The following RAB11FIP4 variants were observed in gnomAD, a reference collection of about 807,000 sequenced individuals.
The protein encoded by RAB11FIP4 is rab11 family-interacting protein 4.
RAB11FIP4 carries 23 observed loss-of-function variants against 74.3 expected under a neutral mutation model. That is an observed-to-expected ratio of 0.31 (90% CI 0.22 to 0.44). The LOEUF is 0.44. Among genes scored for constraint, RAB11FIP4 ranks in the 20% least tolerant of loss-of-function variants. The pLI, the probability that RAB11FIP4 is intolerant of heterozygous loss-of-function variation, is 1.00. For synonymous variants in RAB11FIP4, 360 were observed against 359.9 expected (o/e 1.00, Z 0.00); for missense variants, 630 against 863.9 (o/e 0.73, Z 3.39).
At chr17:31,530,111 C>T (rs530637632) in intron 13 of RAB11FIP4, among the ~76,000 whole-genome samples, 18 of 152,352 alleles carry the variant, frequency 1.2e-4, no homozygotes, top group African/African-American at 3.8e-4. Flanking sequence ...CCTGTGCACT[C>T]CCAGGATGCC....
chr17:31,480,793 C>CAAAA (rs36097331), intron 3 of RAB11FIP4, among the ~76,000 whole-genome samples: 127 of 73,472 alleles, frequency 1.7e-3, no homozygotes, highest in Non-Finnish European at 2.4e-3. Context: ...GACTCCGTCT[C>CAAAA]AAAAAAAAAA....
At chr17:31,487,377 TTGTC>T (rs1019481652) in intron 3 of RAB11FIP4, among the ~76,000 whole-genome samples, 1 of 152,182 alleles carries the variant, frequency 6.6e-6, no homozygotes, top group Non-Finnish European at 1.5e-5. Context: ...CTCGGCCACT[TTGTC>T]TGAGCCACTG....
intron 3 of RAB11FIP4, among the ~76,000 whole-genome samples, chr17:31,443,459 T>C (rs1369386516): frequency 6.6e-6 from 1 of 152,236 alleles, no homozygotes; most frequent in Non-Finnish European, 1.5e-5. Context: ...TATTTTTGTG[T>C]ATTTGATTTT....
chr17:31,520,345 T>TA (rs2072639207), intron 4 of RAB11FIP4, among the ~76,000 whole-genome samples: 1 of 152,126 alleles, frequency 6.6e-6, no homozygotes, highest in Non-Finnish European at 1.5e-5. Context: ...TACTCAGTCT[T>TA]ACAGTATCTA....
At chr17:31,427,920 G>A (rs1242479139) in intron 1 of RAB11FIP4, among the ~76,000 whole-genome samples, 1 of 152,156 alleles carries the variant, frequency 6.6e-6, no homozygotes, top group East Asian at 1.9e-4. Context: ...GGGGGGAGGG[G>A]GCAGCTGCAA....
At chr17:31,459,747 C>T (rs2071616942) in intron 3 of RAB11FIP4, among the ~76,000 whole-genome samples, 1 of 138,600 alleles carries the variant, frequency 7.2e-6, no homozygotes. Flanking sequence ...TCCAGCCCCT[C>T]CCCCCACCCA....
chr17:31,459,826 TGCCCCAGAG>T (rs1405637283), intron 3 of RAB11FIP4, among the ~76,000 whole-genome samples: 14 of 149,414 alleles, frequency 9.4e-5, no homozygotes, highest in Non-Finnish European at 1.8e-4. Context: ...CAGTGGGTTG[TGCCCCAGAG>T]GGGCTCCTCT....
intron 1 of RAB11FIP4, among the ~76,000 whole-genome samples, chr17:31,419,996 A>C (rs1297899951): frequency 6.6e-6 from 1 of 152,182 alleles, no homozygotes; most frequent in Non-Finnish European, 1.5e-5. Context: ...ATACTTAGTG[A>C]AATTATCTGG....
intron 3 of RAB11FIP4, among the ~76,000 whole-genome samples, chr17:31,446,101 C>T (rs575050721): frequency 6.6e-6 from 1 of 151,608 alleles, no homozygotes; most frequent in Admixed American, 6.6e-5. Context: ...CGAAGAATGC[C>T]CCTCAATTTA....
intron 3 of RAB11FIP4, among the ~76,000 whole-genome samples, chr17:31,464,529 G>A (rs2071665327): frequency 6.6e-6 from 1 of 151,964 alleles, no homozygotes. Context: ...TCTGCTCACT[G>A]CAACCTCCAC....
chr17:31,396,380 A>T (rs1157783004), intron 1 of RAB11FIP4, among the ~76,000 whole-genome samples: 1 of 152,056 alleles, frequency 6.6e-6, no homozygotes, highest in East Asian at 1.9e-4. Context: ...TAACCTCTTT[A>T]GGCCTCTATT....
chr17:31,419,782 T>A (rs1309907522), intron 1 of RAB11FIP4, among the ~76,000 whole-genome samples: 1 of 152,024 alleles, frequency 6.6e-6, no homozygotes, highest in Admixed American at 6.6e-5. Context: ...GATCTCCTGA[T>A]CTCATGATCC....
intron 3 of RAB11FIP4, among the ~76,000 whole-genome samples, chr17:31,487,047 C>T (rs1004716115): frequency 6.6e-6 from 1 of 152,162 alleles, no homozygotes; most frequent in African/African-American, 2.4e-5. Context: ...CCCACTGGTC[C>T]TGCCCGTACC....
chr17:31,507,539 A>C (rs2072374037), intron 3 of RAB11FIP4, among the ~76,000 whole-genome samples: 1 of 152,030 alleles, frequency 6.6e-6, no homozygotes, highest in Non-Finnish European at 1.5e-5. Context: ...TTTAAATTGA[A>C]TTATTTGTTT....
intron 3 of RAB11FIP4, among the ~76,000 whole-genome samples, chr17:31,501,940 G>T (rs571238666): frequency 1.4e-4 from 21 of 152,276 alleles, no homozygotes; most frequent in Non-Finnish European, 2.5e-4. Flanking sequence ...GTGAGCCCGG[G>T]CATAGTGGCT....
intron 3 of RAB11FIP4, among the ~76,000 whole-genome samples, chr17:31,449,458 T>A (rs1232003828): frequency 6.6e-6 from 1 of 152,156 alleles, no homozygotes; most frequent in Non-Finnish European, 1.5e-5. Flanking sequence ...TGGTCTCAAC[T>A]CCCTTTCTTG....
chr17:31,453,794 A>G (rs1237001902), intron 3 of RAB11FIP4, among the ~76,000 whole-genome samples: 1 of 112,710 alleles, frequency 8.9e-6, no homozygotes, highest in Non-Finnish European at 1.9e-5. Context: ...ACTCGTCTCA[A>G]AAAAAAAAAA....
At chr17:31,510,623 G>A (rs1041621847) in intron 3 of RAB11FIP4, among the ~76,000 whole-genome samples, 4 of 152,178 alleles carry the variant, frequency 2.6e-5, no homozygotes, top group African/African-American at 9.7e-5. Context: ...TGTGACTCGT[G>A]TGCAGGGCGA....
rs1567700986 is a variant in RAB11FIP4 at position 31,537,328 on chromosome 17, G to A, written c.*5596G>A. On this transcript the variant is annotated 3_prime_UTR_variant, in exon 15 of 15. Coordinates refer to ENST00000621161, the MANE Select transcript of RAB11FIP4 (RefSeq NM_032932.6). ...ATCAGGCCCCACTTACCCTTGGCTC[G>A]CTCAGCCTGTAGACTTGGTAACTTT... The A allele has an allele frequency of 5.0e-6, 2 of 398,024 alleles. No homozygotes were observed. The highest frequency in any genetic ancestry group is 8.9e-6 in the Non-Finnish European group (2 of 225,984). The allele number at this position is 398,024 out of a possible 1,614,324, so 24.7% of individuals were successfully genotyped here. A position where few individuals can be genotyped will look rare whatever the true frequency, so the allele number is the denominator to read the frequency against.
Sources: gnomAD v4.1 joint callset for allele counts (sites outside exome capture counted in the v4.1 genomes callset) on GRCh38, gnomAD v4.1.1 for gene constraint, MANE v1.5 for transcripts, NCBI Gene and HGNC (gene_info 2026-07-23, HGNC 2026-07-21) for gene names.